The following HCN2 variants were observed in gnomAD, a reference collection of about 807,000 sequenced individuals.
HCN2 encodes the protein hyperpolarization activated cyclic nucleotide gated potassium and sodium channel 2.
Under a neutral mutation model 52.3 loss-of-function variants are expected in HCN2, and 20 were observed. The ratio of observed to expected loss-of-function variants is 0.38; its 90% CI spans 0.27 to 0.56. The LOEUF (loss-of-function observed/expected upper bound fraction) is 0.56. Among genes scored for constraint, HCN2 ranks in the 20% least tolerant of loss-of-function variants. HCN2 has a pLI of 0.71. For missense variants in HCN2, 981 were observed against 1,207.7 expected, an observed-to-expected ratio of 0.81 and a Z score of 2.78; for synonymous variants, 694 against 537.0, an observed-to-expected ratio of 1.29 and a Z score of -4.04.
At chr19:595,166 C>T (rs539460749) in intron 1 of HCN2, among the ~76,000 whole-genome samples, 1 of 152,192 alleles carries the variant, frequency 6.6e-6, no homozygotes, top group African/African-American at 2.4e-5. Flanking sequence ...CGTGCCACTG[C>T]ACTCCGGCCC....
intron 3 of HCN2, among the ~76,000 whole-genome samples, chr19:607,501 C>T (rs762027369): frequency 2.0e-5 from 3 of 152,234 alleles, no homozygotes; most frequent in Admixed American, 1.3e-4. Context: ...CCCGCACATG[C>T]GGTCCCATTT....
At chr19:603,296 C>A (rs1983277633) in intron 1 of HCN2, among the ~76,000 whole-genome samples, 1 of 118,778 alleles carries the variant, frequency 8.4e-6, no homozygotes, top group Non-Finnish European at 1.7e-5. Context: ...GGTGTGGGCA[C>A]CCTCGCCCCC....
intron 5 of HCN2, among the ~76,000 whole-genome samples, chr19:612,796 G>T (rs1983699728): frequency 6.7e-6 from 1 of 150,228 alleles, no homozygotes; most frequent in African/African-American, 2.5e-5. Flanking sequence ...GTGGTGTGGG[G>T]ATCACGGCTC....
In HCN2 at chr19:616,319, C is replaced by T. The variant is rs1983920477; in HGVS notation, c.2515C>T (p.Arg839Cys). 6.0e-6 allele frequency: 7 copies of T among 1,164,304 alleles called. No homozygotes were observed. The highest frequency in any genetic ancestry group is 6.1e-5 in the East Asian group (1 of 16,414). The allele number at this position is 1,164,304 out of a possible 1,614,324, so 72.1% of individuals were successfully genotyped here. ...CGCCCCCGGCCCCGCGGCCTCCACA[C>T]GCCCGGCCAGCAGCTCCACACCGCG... ...HGAPGPAAST[R>C]PASSSTPRLG... Residue 839 changes from arginine to cysteine, a missense_variant, in exon 8 of 8, where the codon CGC becomes TGC. Physicochemically the swap from Arg to Cys is radical, Grantham distance 180. This residue lies in a region of HCN2 where 368 missense variants were observed against 314.8 expected (regional missense o/e 1.17). Coordinates refer to ENST00000251287, the MANE Select transcript of HCN2 (RefSeq NM_001194.4).
intron 3 of HCN2, 22 bp from the exon 4 acceptor site, chr19:607,942 G>T (rs373584142): frequency 6.3e-6 from 10 of 1,590,186 alleles, no homozygotes; most frequent in Non-Finnish European, 8.6e-6. Context: ...GCCCACCACC[G>T]CCCCTCCTGC....
chr19:615,197 T>C (rs1450247328), intron 7 of HCN2, among the ~76,000 whole-genome samples: 1 of 152,084 alleles, frequency 6.6e-6, no homozygotes, highest in East Asian at 1.9e-4. Context: ...ACCTGCTCCA[T>C]GTACACAGCA....
At chr19:608,626 G>GC (rs140342096) in intron 4 of HCN2, among the ~76,000 whole-genome samples, 13,467 of 151,728 alleles carry the variant, frequency 0.089, 866 homozygotes, top group Admixed American at 0.2. Flanking sequence ...GCAGGAAGGG[G>GC]TGAGTTGGGA....
chr19:604,955 G>T lies in HCN2; in HGVS notation c.1057-106G>T, dbSNP rs574185651. 1,083 of 1,251,550 alleles carry T rather than the reference G, an allele frequency of 8.7e-4. 1 individual carries two copies. Among genetic ancestry groups the T allele is most frequent in the Non-Finnish European group, 1.1e-3 (995 of 911,360 alleles). The allele number at this position is 1,251,550 out of a possible 1,614,324, so 77.5% of individuals were successfully genotyped here. ...GGTCCTGTGCGGGGCCTTGGATTTG[G>T]GGGAGGGGGCCAGGAGCTCCCGCAG... On this transcript the variant is annotated intron_variant, in intron 2 of 7. Transcript: ENST00000251287.
At position 613,430 on chromosome 19, in the gene HCN2, C is replaced by T. The variant is rs146324390; in HGVS notation, c.1767C>T (p.Val589=). The T allele has an allele frequency of 5.6e-6, 9 of 1,611,600 alleles. No homozygotes were observed. The highest frequency in any genetic ancestry group is 3.3e-4 in the Middle Eastern group (2 of 6,058). ...TGTACTTCATCCAGCACGGCGTGGT[C>T]AGCGTGCTCACTAAGGGCAACAAGG... ...KKMYFIQHGV[V]SVLTKGNKEM... is the part of the protein sequence containing the mutation. The change falls in exon 6 of 8, where the codon GTC becomes GTT. Residue 589 remains valine, a synonymous_variant. Transcript: ENST00000251287.
At position 613,893 on chromosome 19, in the gene HCN2, C is replaced by G. The variant is rs774522429; in HGVS notation, c.1867C>G (p.Arg623Gly). 1.9e-6 allele frequency: 3 copies of G among 1,597,692 alleles called. No individual in the cohort carries two copies. Among genetic ancestry groups the G allele is most frequent in the Admixed American group, 1.7e-5 (1 of 59,110 alleles). Residue 623 changes from arginine to glycine, a missense_variant, in exon 7 of 8, where the codon CGG (arginine) becomes GGG (glycine). By Grantham distance (125) the Arg-to-Gly change is moderately radical. This residue lies in a region of HCN2 where 85 missense variants were observed against 106.1 expected (regional missense o/e 0.80). Coordinates refer to ENST00000251287, the MANE Select transcript of HCN2 (RefSeq NM_001194.4). ...CCGGGGCCGCCGCACGGCGAGCGTG[C>G]GGGCTGACACCTACTGCCGCCTCTA... ...LTRGRRTASV[R>G]ADTYCRLYSL...
At chr19:601,454 G>A (rs886475691) in intron 1 of HCN2, among the ~76,000 whole-genome samples, 3 of 152,192 alleles carry the variant, frequency 2.0e-5, no homozygotes, top group African/African-American at 4.8e-5. Context: ...TTGTCCCTCC[G>A]TTTGGTGATG....
rs560054051 is a variant in HCN2 at position 598,881 on chromosome 19, T to A, written c.633-4663T>A. Among the ~76,000 whole-genome samples, 3 of 152,372 alleles carry A rather than the reference T, an allele frequency of 2.0e-5. No homozygotes were observed. The South Asian group carries it at 6.2e-4, about 32-fold the overall frequency. ...CCTCAGCCTCCTTAAGCCCTGGAAT[T>A]ACAGGCGTGAGCCACCGTGCCCAGC... On this transcript the variant is annotated intron_variant, in intron 1 of 7. Transcript: ENST00000251287.
rs1013408410 is a variant in HCN2, at chr19:608,464, G to A, written c.1437+282G>A. 4.6e-5 allele frequency among the ~76,000 whole-genome samples: 7 copies of A among 152,256 alleles called. No individual in the cohort carries two copies. In the East Asian group the frequency reaches 5.8e-4, roughly 13 times the overall value. ...GTGGCGCGCTCAGGGCAGAGACCGC[G>A]TGATGGGGAGCAGGGGACCCTGGGG... On this transcript the variant is annotated intron_variant, in intron 4 of 7. Coordinates refer to ENST00000251287, the MANE Select transcript of HCN2 (RefSeq NM_001194.4).
In HCN2 at chr19:610,280, A is replaced by G. The variant is rs1983571749; in HGVS notation, c.1459A>G (p.Met487Val). Residue 487 changes from methionine to valine, a missense_variant, in exon 5 of 8, where the codon ATG becomes GTG. Physicochemically the swap from Met to Val is conservative, Grantham distance 21 (BLOSUM62 1). Transcript: ENST00000251287. ...QEKYKQVEQY[M>V]SFHKLPADFR... ...ACAGTACAAGCAGGTGGAGCAGTAC[A>G]TGTCCTTCCACAAGCTGCCAGCTGA... The G allele has an allele frequency of 1.2e-6, 2 of 1,613,308 alleles. No homozygotes were observed. Among genetic ancestry groups the G allele is most frequent in the Non-Finnish European group, 8.5e-7 (1 of 1,179,772 alleles).
At chr19:603,449 G>T (rs1394362520) in intron 1 of HCN2, 95 bp from the exon 2 acceptor site, 3 of 956,916 alleles carry the variant, frequency 3.1e-6, no homozygotes, top group Non-Finnish European at 4.7e-6. Context: ...TCGAGGTGTG[G>T]GCGCCCCTCG....
chr19:610,771 G>C (rs1006158306), intron 5 of HCN2, among the ~76,000 whole-genome samples: 14 of 152,276 alleles, frequency 9.2e-5, no homozygotes, highest in African/African-American at 3.4e-4. Flanking sequence ...GCTCTGTTCC[G>C]GTAGCCTGAG....
chr19:604,073 G>C, intron 2 of HCN2, 106 bp downstream of exon 2: 2 of 756,944 alleles, frequency 2.6e-6, no homozygotes, highest in East Asian at 6.5e-5. Flanking sequence ...CATGGGTGGG[G>C]CCAAGGCAGC....
intron 7 of HCN2, among the ~76,000 whole-genome samples, chr19:615,320 T>C (rs1026830961): frequency 3.9e-4 from 59 of 151,810 alleles, no homozygotes; most frequent in Admixed American, 1.8e-3. Context: ...CCATCCTGGC[T>C]AACATGGTGA....
intron 3 of HCN2, among the ~76,000 whole-genome samples, chr19:606,168 C>T (rs908296770): frequency 6.6e-6 from 1 of 152,100 alleles, no homozygotes; most frequent in Non-Finnish European, 1.5e-5. Flanking sequence ...GGCACGATCT[C>T]GGCTTACCAC....
Sources: allele counts gnomAD v4.1 joint callset (sites outside exome capture counted in the v4.1 genomes callset), GRCh38; gene constraint gnomAD v4.1.1; regional missense constraint gnomAD v4.1.1; transcripts MANE v1.5; gene names NCBI Gene and HGNC (gene_info 2026-07-23, HGNC 2026-07-21).